SYT12: variants seen among roughly 807,000 people sequenced by gnomAD.
SYT12 encodes synaptotagmin-12.
SYT12 carries 27 observed loss-of-function variants against 39.5 expected under a neutral mutation model. The ratio of observed to expected loss-of-function variants is 0.68; its 90% confidence interval spans 0.50 to 0.94. SYT12 has a LOEUF of 0.94. Among genes scored for constraint, SYT12 ranks in the 40% least tolerant of loss-of-function variants. The pLI is 0.00. For missense variants in SYT12, 536 were observed against 572.6 expected, an observed-to-expected ratio of 0.94 and a Z score of 0.65; for synonymous variants, 233 against 239.7, an observed-to-expected ratio of 0.97 and a Z score of 0.26.
Position 67,029,851 on chromosome 11 carries a change from G to GA in SYT12, c.-23-265dup, listed in dbSNP as rs1189993190. ...TGGGCAACAAAGAGAGACTCCATCT[G>GA]AAAAAACAAAACAAAACAAAACAAA... On this transcript the variant is annotated intron_variant, in intron 1 of 7. Transcript: ENST00000527043. 1.5e-5 allele frequency: 6 copies of GA among 388,738 alleles called. No individual in the cohort carries two copies. In the Admixed American group the frequency reaches 1.8e-4, roughly 12 times the overall value. The allele number at this position is 388,738 out of a possible 1,614,324, so 24.1% of individuals were successfully genotyped here.
upstream of SYT12, among the ~76,000 whole-genome samples, chr11:67,020,379 C>T (rs1219080437): frequency 6.6e-6 from 1 of 152,152 alleles, no homozygotes; most frequent in East Asian, 1.9e-4. Flanking sequence ...CTGTAGGCCC[C>T]AGAAAGGAGT....
intron 1 of SYT12, chr11:67,028,273 T>C (rs1283760512): frequency 6.6e-6 from 1 of 152,172 alleles, no homozygotes; most frequent in Non-Finnish European, 1.5e-5. Context: ...TTACTATCAT[T>C]ATCTCCAGCC....
chr11:67,008,859 C>G (rs1231042699), intron 1 of SYT12, among the ~76,000 whole-genome samples: 1 of 152,068 alleles, frequency 6.6e-6, no homozygotes, highest in Non-Finnish European at 1.5e-5. Context: ...ATTTCTTAAC[C>G]TCTCTGTACC....
At chr11:67,035,002 CTTT>C (rs11316433) in intron 3 of SYT12, among the ~76,000 whole-genome samples, 164 bp downstream of exon 3, 2 of 112,100 alleles carry the variant, frequency 1.8e-5, no homozygotes, top group South Asian at 2.8e-4. Flanking sequence ...ACATCTTCAA[CTTT>C]TTTTTTTTTT....
chr11:67,013,668 C>A (rs915597074), intron 3 of SYT12, among the ~76,000 whole-genome samples: 1 of 152,224 alleles, frequency 6.6e-6, no homozygotes, highest in African/African-American at 2.4e-5. Context: ...CAGGAGGTTA[C>A]AGGCCCCTGT....
At chr11:67,013,263 C>T (rs1466084363) in intron 3 of SYT12, among the ~76,000 whole-genome samples, 1 of 152,210 alleles carries the variant, frequency 6.6e-6, no homozygotes, top group South Asian at 2.1e-4. Context: ...TGATGGGGAG[C>T]TTGCCCCAAC....
intron 3 of SYT12, among the ~76,000 whole-genome samples, chr11:67,014,049 G>A (rs183223678): frequency 8.5e-5 from 13 of 152,296 alleles, no homozygotes; most frequent in Non-Finnish European, 1.8e-4. Flanking sequence ...CTTCATGGCT[G>A]AGATGTCCCT....
In SYT12 at chr11:67,050,515, A is replaced by G. The variant is rs1472549722; in HGVS notation, c.*1758A>G. ...AGGATGGTGGCTTTCCCTACCTGAC[A>G]CAGCCATGGCCCAGCCCCAAGGCCA... On this transcript the variant is annotated 3_prime_UTR_variant, in exon 8 of 8. Transcript: ENST00000527043. 6.6e-6 allele frequency: 1 copy of G among 152,344 alleles called. No individual in the cohort carries two copies. Among genetic ancestry groups the G allele is most frequent in the Non-Finnish European group, 1.5e-5 (1 of 68,192 alleles). The allele number at this position is 152,344 out of a possible 1,614,324, so 9.4% of individuals were successfully genotyped here.
intron 3 of SYT12, among the ~76,000 whole-genome samples, chr11:67,015,657 C>G (rs1406000288): frequency 6.6e-6 from 1 of 152,198 alleles, no homozygotes; most frequent in Non-Finnish European, 1.5e-5. Context: ...GAGTTAGAAA[C>G]AGCATCGCCT....
At chr11:67,009,643 A>T (rs1317629914) in intron 1 of SYT12, among the ~76,000 whole-genome samples, 3 of 152,204 alleles carry the variant, frequency 2.0e-5, no homozygotes, top group Admixed American at 6.5e-5. Flanking sequence ...CTGGGCCTGA[A>T]GGCTAAAGAG....
In SYT12 at chr11:67,040,086, G is replaced by A. The variant is rs531910830; in HGVS notation, c.504G>A (p.Thr168=). ...TGGAGTACGACACTGCCTCCCACAC[G>A]CTGAACGTGGCGGTGATGCAGGGCA... is the stretch of plus-strand genomic sequence containing the variant. ...VSMEYDTASH[T]LNVAVMQGKD... Residue 168 remains threonine (T), a synonymous_variant, in exon 4 of 8, where the codon ACG becomes ACA. Coordinates refer to ENST00000527043, the MANE Select transcript of SYT12 (RefSeq NM_177963.4). 4.3e-6 allele frequency: 7 copies of A among 1,613,856 alleles called. No homozygotes were observed. The highest frequency in any genetic ancestry group is 2.2e-5 in the East Asian group (1 of 44,880).
chr11:67,045,585 G>A, intron 6 of SYT12, 159 bp from the exon 7 acceptor site: 6 of 1,084,576 alleles, frequency 5.5e-6, no homozygotes, highest in Non-Finnish European at 6.5e-6. Flanking sequence ...TTTCTCATCT[G>A]TGAAATGGGA....
At chr11:67,034,517 A>G in intron 2 of SYT12, 128 bp from the exon 3 acceptor site, 2 of 752,604 alleles carry the variant, frequency 2.7e-6, no homozygotes, top group South Asian at 2.2e-5. Flanking sequence ...TCGACATGGG[A>G]TCTCCAGCAC....
At chr11:67,026,367 G>A (rs1950180776) in intron 1 of SYT12, among the ~76,000 whole-genome samples, 1 of 152,088 alleles carries the variant, frequency 6.6e-6, no homozygotes, top group Admixed American at 6.5e-5. Flanking sequence ...CCACCTCCTA[G>A]GTTCAAGCGA....
At chr11:67,017,204 C>T (rs1950065019) in intron 3 of SYT12, among the ~76,000 whole-genome samples, 1 of 152,138 alleles carries the variant, frequency 6.6e-6, no homozygotes, top group South Asian at 2.1e-4. Flanking sequence ...GACCCCATAG[C>T]ATTAGGCTGA....
intron 2 of SYT12, chr11:67,032,303 C>T (rs1950284226): frequency 6.6e-6 from 1 of 152,246 alleles, no homozygotes; most frequent in South Asian, 2.1e-4. Context: ...TCACTGGCCC[C>T]CTCGGTGGGA....
At chr11:67,048,087 G>A (rs1245651659) in intron 7 of SYT12, among the ~76,000 whole-genome samples, 8 of 150,010 alleles carry the variant, frequency 5.3e-5, no homozygotes, top group Admixed American at 1.3e-4. Context: ...CACCGTGCCC[G>A]GCCGAAACCC....
intron 1 of SYT12, among the ~76,000 whole-genome samples, chr11:67,025,845 G>T (rs1301280903): frequency 6.6e-6 from 1 of 152,068 alleles, no homozygotes. Flanking sequence ...GGTCTTACGG[G>T]TGATGGGGAA....
chr11:67,030,496 C>G (rs1329940903), intron 2 of SYT12: 4 of 347,386 alleles, frequency 1.2e-5, no homozygotes, highest in Non-Finnish European at 2.1e-5. Context: ...TCGGAATCCA[C>G]TCACCGAGGC....
Sources: gnomAD v4.1 joint callset for allele counts (sites outside exome capture counted in the v4.1 genomes callset) on GRCh38, gnomAD v4.1.1 for gene constraint, MANE v1.5 for transcripts, NCBI Gene and HGNC (gene_info 2026-07-23, HGNC 2026-07-21) for gene names.